Variants in LRRTM4 observed in about 807,000 individuals in gnomAD.
LRRTM4 encodes leucine-rich repeat transmembrane neuronal protein 4.
Under a neutral mutation model 47.6 loss-of-function variants are expected in LRRTM4, and 25 were observed. The observed-to-expected ratio is 0.53, with a 90% CI of 0.38 to 0.73. The LOEUF (loss-of-function observed/expected upper bound fraction) is 0.73, where lower values mean the gene tolerates loss of function less well. Among genes scored for constraint, LRRTM4 ranks in the 30% least tolerant of loss-of-function variants. The pLI is 0.00. For missense variants in LRRTM4, 638 were observed against 713.4 expected (o/e 0.89, Z 1.20); for synonymous variants, 311 against 269.5 (o/e 1.15, Z -1.51).
intron 3 of LRRTM4, among the ~76,000 whole-genome samples, chr2:77,307,129 T>G (rs1006340748): frequency 1.2e-3 from 183 of 152,000 alleles, no homozygotes; most frequent in African/African-American, 4.4e-3. Flanking sequence ...CTCGATCTCC[T>G]GACCTCGTGA....
intron 3 of LRRTM4, among the ~76,000 whole-genome samples, chr2:77,488,616 C>T (rs970341812): frequency 6.6e-6 from 1 of 152,164 alleles, no homozygotes; most frequent in African/African-American, 2.4e-5. Context: ...TTTAAAGTGA[C>T]ATATTTGCAG....
At chr2:77,312,805 A>G (rs1488515434) in intron 3 of LRRTM4, among the ~76,000 whole-genome samples, 10 of 152,202 alleles carry the variant, frequency 6.6e-5, no homozygotes, top group Non-Finnish European at 4.4e-5. Flanking sequence ...ATTATGATAG[A>G]GATTTGGTAT....
intron 3 of LRRTM4, among the ~76,000 whole-genome samples, chr2:77,083,430 T>C (rs1363972512): frequency 6.6e-6 from 1 of 152,122 alleles, no homozygotes; most frequent in Non-Finnish European, 1.5e-5. Flanking sequence ...AGTCAGAACT[T>C]GTAGTCAATA....
At chr2:77,255,145 A>G (rs1675728417) in intron 3 of LRRTM4, among the ~76,000 whole-genome samples, 1 of 151,986 alleles carries the variant, frequency 6.6e-6, no homozygotes, top group Non-Finnish European at 1.5e-5. Context: ...AATATAAAGT[A>G]CACTTCATGG....
intron 3 of LRRTM4, among the ~76,000 whole-genome samples, chr2:77,135,097 G>A (rs867864449): frequency 4.6e-5 from 7 of 152,218 alleles, no homozygotes; most frequent in African/African-American, 1.4e-4. Context: ...ACATATGGAC[G>A]GATGAAAACA....
intron 3 of LRRTM4, among the ~76,000 whole-genome samples, chr2:77,171,606 C>A (rs1673051231): frequency 6.6e-6 from 1 of 151,268 alleles, no homozygotes; most frequent in South Asian, 2.1e-4. Context: ...CTTAAGTATG[C>A]ATATAAATAT....
At chr2:77,427,012 C>T (rs1438779530) in intron 3 of LRRTM4, among the ~76,000 whole-genome samples, 1 of 144,492 alleles carries the variant, frequency 6.9e-6, no homozygotes, top group African/African-American at 2.6e-5. Flanking sequence ...CGGAGTCTTG[C>T]TCTTTTGCCA....
At chr2:77,411,879 A>C (rs1394708247) in intron 3 of LRRTM4, among the ~76,000 whole-genome samples, 2 of 152,128 alleles carry the variant, frequency 1.3e-5, no homozygotes, top group African/African-American at 4.8e-5. Context: ...AAGAATACAT[A>C]AAATCTCATC....
chr2:77,079,463 G>C (rs1030099756), intron 3 of LRRTM4, among the ~76,000 whole-genome samples: 2 of 152,112 alleles, frequency 1.3e-5, no homozygotes, highest in Admixed American at 1.3e-4. Flanking sequence ...TTGTGGCCAA[G>C]GACACTTTGA....
intron 3 of LRRTM4, among the ~76,000 whole-genome samples, chr2:77,471,518 C>A (rs1162170427): frequency 6.6e-6 from 1 of 152,100 alleles, no homozygotes; most frequent in East Asian, 1.9e-4. Flanking sequence ...TTGGCCATTA[C>A]CTTCTTAATG....
intron 3 of LRRTM4, among the ~76,000 whole-genome samples, chr2:76,947,490 T>C (rs1675360482): frequency 6.6e-6 from 1 of 151,904 alleles, no homozygotes; most frequent in African/African-American, 2.4e-5. Context: ...GTTTTATTAA[T>C]ATCATATAAA....
Position 77,046,340 on chromosome 2 carries a change from C to T in LRRTM4, c.1552-297424G>A, listed in dbSNP as rs148674303. Among the ~76,000 whole-genome samples the T allele has an allele frequency of 7.9e-3, 1,200 of 152,074 alleles. 17 individuals are homozygous for T. The highest frequency in any genetic ancestry group is 0.027 in the African/African-American group (1,128 of 41,510). ...ATCTCTGGGAACAATTTTTAACACA[C>T]GGCCAACCAAAGTGCAAAATGTGCA... On this transcript the variant is annotated intron_variant, in intron 3 of 3. Transcript: ENST00000409884.
intron 3 of LRRTM4, among the ~76,000 whole-genome samples, chr2:77,350,552 A>G (rs1291060960): frequency 6.6e-6 from 1 of 152,032 alleles, no homozygotes; most frequent in African/African-American, 2.4e-5. Flanking sequence ...TATGAAAGGA[A>G]ATGGAGATAT....
intron 3 of LRRTM4, among the ~76,000 whole-genome samples, chr2:77,257,860 T>C (rs1393850357): frequency 3.3e-5 from 5 of 151,548 alleles, no homozygotes; most frequent in African/African-American, 1.2e-4. Context: ...ATAAGGGAAA[T>C]ATAAATTAAG....
chr2:77,416,458 T>C (rs1416628651), intron 3 of LRRTM4, among the ~76,000 whole-genome samples: 1 of 152,070 alleles, frequency 6.6e-6, no homozygotes, highest in Non-Finnish European at 1.5e-5. Flanking sequence ...TTGTAAGAGG[T>C]TTTATTTCAT....
chr2:76,867,184 T>C (rs1049326295), intron 3 of LRRTM4, among the ~76,000 whole-genome samples: 4 of 152,254 alleles, frequency 2.6e-5, no homozygotes, highest in African/African-American at 4.8e-5. Context: ...TATATACTTA[T>C]GTAACAAAGC....
At chr2:76,867,102 C>A (rs957803474) in intron 3 of LRRTM4, among the ~76,000 whole-genome samples, 2 of 151,962 alleles carry the variant, frequency 1.3e-5, no homozygotes, top group African/African-American at 2.4e-5. Context: ...AACATTAGGA[C>A]AAATACCTAA....
chr2:77,402,299 C>T (rs1436023174), intron 3 of LRRTM4, among the ~76,000 whole-genome samples: 1 of 151,862 alleles, frequency 6.6e-6, no homozygotes, highest in African/African-American at 2.4e-5. Flanking sequence ...GTGTGTGCCA[C>T]CATACCTGAT....
intron 3 of LRRTM4, among the ~76,000 whole-genome samples, chr2:77,006,454 T>G (rs575872653): frequency 6.6e-6 from 1 of 152,188 alleles, no homozygotes; most frequent in South Asian, 2.1e-4. Context: ...TCCAGAAAAT[T>G]TTATTTTGGT....
Sources: allele counts gnomAD v4.1 joint callset (sites outside exome capture counted in the v4.1 genomes callset), GRCh38; gene constraint gnomAD v4.1.1; transcripts MANE v1.5; gene names NCBI Gene and HGNC (gene_info 2026-07-23, HGNC 2026-07-21).